Variants in CHLSN observed in about 807,000 individuals in gnomAD.
The protein encoded by CHLSN is protein cholesin.
the CHLSN span, chr7:1,058,525 A>G: frequency 1.3e-6 from 1 of 775,980 alleles, no homozygotes; most frequent in South Asian, 1.3e-5. Context: ...TAGGCGGCCC[A>G]GCCCTCCTGG....
At chr7:990,389 G>A in the CHLSN span, among the ~76,000 whole-genome samples, 4 of 151,724 alleles carry the variant, frequency 2.6e-5, no homozygotes, top group Non-Finnish European at 4.4e-5. Flanking sequence ...TGCTGGGGGC[G>A]GTGTGATGGG....
chr7:1,042,953 T>C, the CHLSN span, among the ~76,000 whole-genome samples: 1 of 152,066 alleles, frequency 6.6e-6, no homozygotes, highest in Non-Finnish European at 1.5e-5. Flanking sequence ...GTTTTCACAA[T>C]TAAATTTAAA....
At chr7:1,123,381 G>A in the CHLSN span, among the ~76,000 whole-genome samples, 10 of 152,336 alleles carry the variant, frequency 6.6e-5, no homozygotes, top group East Asian at 1.9e-4. This position sits in a 1 kb window ranked among gnomAD's most constrained non-coding sequence, Gnocchi z 4.4. Flanking sequence ...CCAGACGGAC[G>A]TTGCTGGGAG....
chr7:986,586 C>T, the CHLSN span: 3 of 1,608,148 alleles, frequency 1.9e-6, no homozygotes, highest in Non-Finnish European at 2.5e-6. Flanking sequence ...AGCCCTGGGG[C>T]TGCGTCCTTA....
the CHLSN span, among the ~76,000 whole-genome samples, chr7:1,086,402 T>G: frequency 3.3e-5 from 5 of 152,350 alleles, no homozygotes; most frequent in South Asian, 2.1e-4. Flanking sequence ...TAAGAGCAAA[T>G]CAGCTCTTTA....
chr7:1,029,358 G>A, the CHLSN span, among the ~76,000 whole-genome samples: 2 of 152,142 alleles, frequency 1.3e-5, no homozygotes, highest in East Asian at 3.9e-4. Flanking sequence ...GAACTCCTGG[G>A]CCCAAGTGAT....
At chr7:1,049,760 T>C in the CHLSN span, among the ~76,000 whole-genome samples, 1 of 152,204 alleles carries the variant, frequency 6.6e-6, no homozygotes, top group African/African-American at 2.4e-5. Context: ...TCAGTGGTGC[T>C]TTCTCAAAGT....
the CHLSN span, among the ~76,000 whole-genome samples, chr7:990,928 G>A: frequency 4.6e-5 from 7 of 152,144 alleles, no homozygotes; most frequent in Admixed American, 1.3e-4. Flanking sequence ...CAGGGCTCCC[G>A]GGTGGGGTGG....
At chr7:1,112,888 T>C in the CHLSN span, among the ~76,000 whole-genome samples, 2 of 152,118 alleles carry the variant, frequency 1.3e-5, no homozygotes, top group Non-Finnish European at 2.9e-5. Flanking sequence ...CCTGGGCACT[T>C]ACCCCAGAGC....
chr7:992,028 C>T, the CHLSN span, among the ~76,000 whole-genome samples: 1 of 152,204 alleles, frequency 6.6e-6, no homozygotes, highest in African/African-American at 2.4e-5. Context: ...AGCTTCCTCA[C>T]GCATGGATTT....
chr7:1,082,648 G>A, the CHLSN span, among the ~76,000 whole-genome samples: 1 of 152,212 alleles, frequency 6.6e-6, no homozygotes, highest in African/African-American at 2.4e-5. Context: ...TTCATGGGGT[G>A]GGCATCCCAA....
At chr7:1,006,580 G>A in the CHLSN span, among the ~76,000 whole-genome samples, 1 of 137,832 alleles carries the variant, frequency 7.3e-6, no homozygotes, top group Admixed American at 7.3e-5. Context: ...GACGGCCACA[G>A]CGCAGGGAAA....
At chr7:1,049,004 G>A in the CHLSN span, among the ~76,000 whole-genome samples, 2 of 152,240 alleles carry the variant, frequency 1.3e-5, no homozygotes, top group African/African-American at 4.8e-5. Context: ...AAACTGCAAA[G>A]CCTCTGCAGT....
chr7:1,001,636 G>GT, the CHLSN span, among the ~76,000 whole-genome samples: 2 of 104,368 alleles, frequency 1.9e-5, no homozygotes, highest in African/African-American at 3.9e-5. Flanking sequence ...CCTGCGGGTG[G>GT]GGAGTCCTGT....
the CHLSN span, among the ~76,000 whole-genome samples, chr7:1,018,642 G>A: frequency 1.3e-5 from 2 of 152,212 alleles, no homozygotes; most frequent in Non-Finnish European, 2.9e-5. Flanking sequence ...GTGGAGCTCA[G>A]GTGCACTGGC....
chr7:1,120,794 A>G, the CHLSN span, among the ~76,000 whole-genome samples: 1 of 145,942 alleles, frequency 6.9e-6, no homozygotes, highest in South Asian at 2.1e-4. Context: ...TATTTTACTC[A>G]GCCCCAAAAA....
the CHLSN span, among the ~76,000 whole-genome samples, chr7:983,751 C>A: frequency 1.1e-4 from 16 of 152,358 alleles, no homozygotes; most frequent in South Asian, 2.7e-3. Flanking sequence ...CAGCCCCCCT[C>A]GGCCCTCAGG....
At chr7:1,053,788 C>T in the CHLSN span, among the ~76,000 whole-genome samples, 13,523 of 152,248 alleles carry the variant, frequency 0.089, 681 homozygotes, top group Non-Finnish European at 0.11. Context: ...GATCGTGCCA[C>T]TGCACTCCAG....
At chr7:1,092,894 C>A in the CHLSN span, 1 of 1,579,384 alleles carries the variant, frequency 6.3e-7, no homozygotes, top group Non-Finnish European at 8.7e-7. Flanking sequence ...GGGTGTGACT[C>A]GGGAGCTGCA....
Sources: gnomAD v4.1 joint callset for allele counts (sites outside exome capture counted in the v4.1 genomes callset) on GRCh38, gnomAD v4.1.1 for gene constraint, Gnocchi (gnomAD v3.1) non-coding constraint, MANE v1.5 for transcripts, NCBI Gene and HGNC (gene_info 2026-07-23, HGNC 2026-07-21) for gene names.